Variants in SDK1 observed in about 807,000 individuals in gnomAD.
SDK1 encodes sidekick cell adhesion molecule 1, also known as protein sidekick-1.
In SDK1, 157 loss-of-function variants were observed where a neutral mutation model predicts 245.5. The observed-to-expected ratio is 0.64, with a 90% CI of 0.56 to 0.73. SDK1 has a LOEUF of 0.73. Ranked by LOEUF, SDK1 falls within the 30% of genes least tolerant of loss-of-function variation. The probability of loss-of-function intolerance (pLI) is 0.00; values close to 1 mark genes in which losing one functional copy is unlikely to be tolerated. For missense variants in SDK1, 3,583 were observed against 3,002.3 expected (o/e 1.19, Z -4.52); for synonymous variants, 1,647 against 1,278.5 (o/e 1.29, Z -6.15).
chr7:3,586,653 T>G (rs1397855971), intron 1 of SDK1, among the ~76,000 whole-genome samples: 1 of 144,528 alleles, frequency 6.9e-6, no homozygotes, highest in Non-Finnish European at 1.5e-5. Context: ...TGCAGTGAGC[T>G]GAGATCGTGC....
intron 1 of SDK1, among the ~76,000 whole-genome samples, chr7:3,329,673 A>G (rs947123889): frequency 3.3e-5 from 5 of 152,052 alleles, no homozygotes; most frequent in African/African-American, 1.2e-4. Flanking sequence ...TGTTTTCCAC[A>G]CTCATCCATT....
rs1307005613 is a variant in SDK1 at position 4,265,356 on chromosome 7, C to A, written c.6614C>A (p.Pro2205Gln). The A allele has an allele frequency of 6.9e-7, 1 of 1,453,950 alleles. No individual in the cohort carries two copies. Among genetic ancestry groups the A allele is most frequent in the Non-Finnish European group, 9.0e-7 (1 of 1,116,150 alleles). The allele number at this position is 1,453,950 out of a possible 1,614,324, so 90.1% of individuals were successfully genotyped here. ...CCCGCTGGCCCCGGCGCGCGAACTC[C>A]GCTCACCGGCTTCTCCTCCTTCGTG... ...YTPAGPGART[P>Q]LTGFSSFV Residue 2205 changes from proline to glutamine, a missense_variant, in exon 45 of 45, where the codon CCG becomes CAG. Coordinates refer to ENST00000404826, the MANE Select transcript of SDK1 (RefSeq NM_152744.4).
At chr7:4,166,272 T>C (rs1781495279) in intron 32 of SDK1, among the ~76,000 whole-genome samples, 1 of 152,234 alleles carries the variant, frequency 6.6e-6, no homozygotes, top group Non-Finnish European at 1.5e-5. Context: ...TTCTCTTCAC[T>C]TGTGCCACCC....
chr7:3,607,046 G>A (rs1489001699), intron 1 of SDK1, among the ~76,000 whole-genome samples: 2 of 152,100 alleles, frequency 1.3e-5, no homozygotes, highest in East Asian at 3.9e-4. Flanking sequence ...CTTCCAAGAT[G>A]CACCTTCAAC....
At chr7:3,817,823 G>T (rs967598329) in intron 4 of SDK1, among the ~76,000 whole-genome samples, 1 of 152,186 alleles carries the variant, frequency 6.6e-6, no homozygotes, top group Non-Finnish European at 1.5e-5. Flanking sequence ...CACCTCAGGA[G>T]AGTGTTGGAG....
Position 3,488,756 on chromosome 7 carries a change from A to G in SDK1, c.299-130324A>G, listed in dbSNP as rs186699472. 1.4e-4 allele frequency among the ~76,000 whole-genome samples: 22 copies of G among 152,308 alleles called. No homozygotes were observed. In the East Asian group the frequency reaches 4.1e-3, roughly 28 times the overall value. The stretch of plus-strand genomic sequence containing the variant: ...ACTGGGGGCCTCAGTAGCATCATCA[A>G]AAACCTACATTCAATTCTTCCCTAC... On this transcript the variant is annotated intron_variant, in intron 1 of 44. Coordinates refer to ENST00000404826, the MANE Select transcript of SDK1 (RefSeq NM_152744.4).
At chr7:3,391,962 A>T (rs1430889965) in intron 1 of SDK1, among the ~76,000 whole-genome samples, 1 of 73,892 alleles carries the variant, frequency 1.4e-5, no homozygotes, top group Non-Finnish European at 2.5e-5. Flanking sequence ...TATGTATATC[A>T]TGTAATATAT....
intron 1 of SDK1, among the ~76,000 whole-genome samples, chr7:3,498,452 C>G (rs1782091263): frequency 6.6e-6 from 1 of 152,258 alleles, no homozygotes; most frequent in East Asian, 1.9e-4. Flanking sequence ...GTAGCTTTCT[C>G]ATTGCATTTT....
intron 43 of SDK1, among the ~76,000 whole-genome samples, chr7:4,245,228 C>G (rs2128239111): frequency 6.6e-6 from 1 of 152,252 alleles, no homozygotes; most frequent in African/African-American, 2.4e-5. Flanking sequence ...CAAACTTCCC[C>G]AATTCCCTCT....
At chr7:4,242,960 G>A (rs1178889402) in intron 43 of SDK1, among the ~76,000 whole-genome samples, 2 of 152,194 alleles carry the variant, frequency 1.3e-5, no homozygotes, top group South Asian at 2.1e-4. Flanking sequence ...ACCGCAGGCC[G>A]CCACCCCACG....
rs190060663 is a variant in SDK1 at position 3,740,933 on chromosome 7, A to G, written c.714-80517A>G. ...TGACATTTTGTGGTTCATAGCAACC[A>G]TAGAAACATTCTGTAGTTCATCAGG... On this transcript the variant is annotated intron_variant, in intron 4 of 44. Coordinates refer to ENST00000404826, the MANE Select transcript of SDK1 (RefSeq NM_152744.4). Among the ~76,000 whole-genome samples the G allele has an allele frequency of 3.1e-4, 47 of 152,324 alleles. 1 individual carries two copies. The highest frequency in any genetic ancestry group is 1.1e-3 in the African/African-American group (44 of 41,568).
rs1004081126 is a variant in SDK1, at chr7:4,068,077, C to T, written c.3010+141C>T. 1.7e-5 allele frequency: 11 copies of T among 635,892 alleles called. No homozygotes were observed. In the South Asian group the frequency reaches 1.9e-4, roughly 11 times the overall value. The allele number at this position is 635,892 out of a possible 1,614,324, so 39.4% of individuals were successfully genotyped here. A position where few individuals can be genotyped will look rare whatever the true frequency, so the allele number is the denominator to read the frequency against. On this transcript the variant is annotated intron_variant, in intron 20 of 44. Coordinates refer to ENST00000404826, the MANE Select transcript of SDK1 (RefSeq NM_152744.4). ...AGAGGAACTGAAAAGTCTTCCTGGC[C>T]GTGTGGCAGAGTCCCAGCACTGGGA...
Position 3,445,487 on chromosome 7 carries a change from A to G in SDK1, c.298+143603A>G, listed in dbSNP as rs202245419. ...ATTCACATGACTGAAGTTAGGAACC[A>G]TTCCTTTTAACTTTTTATTTTGAAA... On this transcript the variant is annotated intron_variant, in intron 1 of 44. Coordinates refer to ENST00000404826, the MANE Select transcript of SDK1 (RefSeq NM_152744.4). Among the ~76,000 whole-genome samples the G allele has an allele frequency of 3.3e-5, 5 of 152,324 alleles. No individual in the cohort carries two copies. In the East Asian group the frequency reaches 7.7e-4, roughly 23 times the overall value.
chr7:4,157,850 G>A (rs1442731957), intron 30 of SDK1, among the ~76,000 whole-genome samples: 7 of 152,130 alleles, frequency 4.6e-5, no homozygotes, highest in South Asian at 2.1e-4. Context: ...GTAGGGGTGC[G>A]GGGCTGGCGG....
chr7:3,917,299 T>G (rs1779418010), intron 5 of SDK1, among the ~76,000 whole-genome samples: 1 of 152,248 alleles, frequency 6.6e-6, no homozygotes. Flanking sequence ...TAATATTTAT[T>G]GAACCTCTGT....
chr7:4,240,680 G>T lies in SDK1; in HGVS notation c.6131-1113G>T, dbSNP rs550202381. 2.6e-5 allele frequency among the ~76,000 whole-genome samples: 4 copies of T among 152,236 alleles called. 1 individual carries two copies. The East Asian group carries it at 7.7e-4, about 29-fold the overall frequency. On this transcript the variant is annotated intron_variant, in intron 42 of 44. Transcript: ENST00000404826. ...TGTAGGCGCTGTCCTGGGGGCTGGC[G>T]GGACACTGGGGAGTGTGATGGACTT...
chr7:4,013,505 A>G (rs925189206), intron 16 of SDK1, among the ~76,000 whole-genome samples: 5 of 152,224 alleles, frequency 3.3e-5, no homozygotes, highest in African/African-American at 1.2e-4. Flanking sequence ...TTCAGCAGAC[A>G]GATGTAATTT....
At chr7:3,731,241 A>T (rs1450613521) in intron 4 of SDK1, among the ~76,000 whole-genome samples, 1 of 152,122 alleles carries the variant, frequency 6.6e-6, no homozygotes, top group Non-Finnish European at 1.5e-5. Flanking sequence ...TCCTTCCATA[A>T]GGTTCACATG....
intron 28 of SDK1, among the ~76,000 whole-genome samples, chr7:4,139,055 G>A (rs79500939): frequency 0.011 from 1,699 of 152,352 alleles, 31 homozygotes; most frequent in African/African-American, 0.037. Context: ...AGCTCCCCCC[G>A]TGTCATGTGT....
Sources: allele counts gnomAD v4.1 joint callset (sites outside exome capture counted in the v4.1 genomes callset), GRCh38; gene constraint gnomAD v4.1.1; transcripts MANE v1.5; gene names NCBI Gene and HGNC (gene_info 2026-07-23, HGNC 2026-07-21).